Variants in TXNDC11 observed in about 807,000 individuals in gnomAD.
TXNDC11 encodes the protein thioredoxin domain-containing protein 11.
In TXNDC11, 68 loss-of-function variants were observed where a neutral mutation model predicts 78.0. That is an observed-to-expected ratio of 0.87 (90% CI 0.72 to 1.07). The LOEUF (loss-of-function observed/expected upper bound fraction) is 1.07, where lower values mean the gene tolerates loss of function less well. Among genes scored for constraint, TXNDC11 ranks in the 50% least tolerant of loss-of-function variants. TXNDC11 has a pLI of 0.00. For missense variants in TXNDC11, 1,389 were observed against 1,221.8 expected (o/e 1.14, Z -2.04); for synonymous variants, 571 against 495.2 (o/e 1.15, Z -2.03).
At chr16:11,714,212 G>A (rs906099642) in intron 5 of TXNDC11, among the ~76,000 whole-genome samples, 3 of 152,018 alleles carry the variant, frequency 2.0e-5, no homozygotes, top group Non-Finnish European at 2.9e-5. Context: ...TTGTAGAGAC[G>A]GGGTTTCGCC....
chr16:11,692,988 A>G (rs2050762187), intron 7 of TXNDC11, among the ~76,000 whole-genome samples: 1 of 152,172 alleles, frequency 6.6e-6, no homozygotes, highest in Admixed American at 6.5e-5. Context: ...CTCCAGGAAG[A>G]GCTAGTTTTT....
chr16:11,685,425 C>T (rs150404659), intron 10 of TXNDC11, among the ~76,000 whole-genome samples: 3,715 of 152,122 alleles, frequency 0.024, 77 homozygotes, highest in Non-Finnish European at 0.038. Flanking sequence ...GCAGGCAGAT[C>T]ACGAGGTCAG....
At position 11,721,604 on chromosome 16, in the gene TXNDC11, TGAA is replaced by T; in HGVS notation, c.763_765del (p.Phe255del). ...TTCTTTAATGAATGTAATGCTGAGG[TGAA>T]GAAGGTCAAATAACCAGGAGGCTGG... On this transcript the variant is annotated inframe_deletion, in exon 5 of 12. Coordinates refer to ENST00000283033, the MANE Select transcript of TXNDC11 (RefSeq NM_015914.7). 1 of 1,610,452 alleles carries T rather than the reference TGAA, an allele frequency of 6.2e-7. No homozygotes were observed. The highest frequency in any genetic ancestry group is 8.5e-7 in the Non-Finnish European group (1 of 1,177,284).
chr16:11,688,499 C>T lies in TXNDC11; in HGVS notation c.1901-54G>A. On this transcript the variant is annotated intron_variant, in intron 8 of 11. Transcript: ENST00000283033. Reference sequence around the variant, plus strand: ...TCTCCTCTAGATACAAAGAGAATAGCTGGCCTACTTTTAAACTCCACATTT... The same window carrying T: ...TCTCCTCTAGATACAAAGAGAATAGTTGGCCTACTTTTAAACTCCACATTT... 4.9e-6 allele frequency: 7 copies of T among 1,435,528 alleles called. No individual in the cohort carries two copies. In the South Asian group the frequency reaches 7.9e-5, roughly 16 times the overall value. The allele number at this position is 1,435,528 out of a possible 1,614,324, so 88.9% of individuals were successfully genotyped here.
chr16:11,716,059 T>C (rs1195041398), intron 5 of TXNDC11, among the ~76,000 whole-genome samples: 2 of 152,142 alleles, frequency 1.3e-5, no homozygotes, highest in African/African-American at 2.4e-5. Flanking sequence ...ACCTCTACCC[T>C]CCCCAAATTT....
At chr16:11,694,097 C>CTTTTTTTTTTTTTTTTTTTT (rs535913245) in intron 7 of TXNDC11, among the ~76,000 whole-genome samples, 1 of 85,690 alleles carries the variant, frequency 1.2e-5, no homozygotes, top group African/African-American at 4.9e-5. Flanking sequence ...TACAGCAATG[C>CTTTTTTTTTTTTTTTTTTTT]TTTTTTTTTT....
At chr16:11,727,010 G>A (rs577364043) in intron 4 of TXNDC11, among the ~76,000 whole-genome samples, 9 of 152,192 alleles carry the variant, frequency 5.9e-5, no homozygotes, top group South Asian at 4.1e-4. Flanking sequence ...ACGAGATTGC[G>A]CCACTGCACT....
chr16:11,736,060 G>A lies in TXNDC11; in HGVS notation c.428C>T (p.Ala143Val). ...TGCTGCTTGCTCAATTTCTGCCCTG[G>A]CAGCGATGGACTGTCCACACCAAGG... ...YAPWCGQSIA[A>V]RAEIEQAASR... Residue 143 changes from alanine (A) to valine (V), a missense_variant, in exon 2 of 12, where the codon GCC (alanine) becomes GTC (valine). Coordinates refer to ENST00000283033, the MANE Select transcript of TXNDC11 (RefSeq NM_015914.7). 6.2e-7 allele frequency: 1 copy of A among 1,614,112 alleles called. No homozygotes were observed. Among genetic ancestry groups the A allele is most frequent in the Non-Finnish European group, 8.5e-7 (1 of 1,180,030 alleles).
intron 6 of TXNDC11, among the ~76,000 whole-genome samples, chr16:11,699,548 C>G (rs1462137315): frequency 6.6e-6 from 1 of 152,188 alleles, no homozygotes; most frequent in Non-Finnish European, 1.5e-5. Context: ...TCGGAAAACA[C>G]AAAAATACAT....
intron 5 of TXNDC11, among the ~76,000 whole-genome samples, chr16:11,719,812 G>A (rs2051648659): frequency 6.6e-6 from 1 of 152,142 alleles, no homozygotes; most frequent in Non-Finnish European, 1.5e-5. Flanking sequence ...TGTGTTAAGT[G>A]CTACAAAAAA....
At chr16:11,699,116 T>C (rs936187703) in intron 6 of TXNDC11, among the ~76,000 whole-genome samples, 2 of 152,354 alleles carry the variant, frequency 1.3e-5, no homozygotes, top group East Asian at 3.9e-4. Flanking sequence ...AAGATTTAAA[T>C]TGACTCATAA....
In TXNDC11 at chr16:11,742,685, C is replaced by T; in HGVS notation, c.46G>A (p.Asp16Asn). 1 of 1,478,630 alleles carries T rather than the reference C, an allele frequency of 6.8e-7. No homozygotes were observed. Among genetic ancestry groups the T allele is most frequent in the Non-Finnish European group, 8.9e-7 (1 of 1,122,656 alleles). The allele number at this position is 1,478,630 out of a possible 1,614,324, so 91.6% of individuals were successfully genotyped here. A position where few individuals can be genotyped will look rare whatever the true frequency, so the allele number is the denominator to read the frequency against. The change falls in exon 1 of 12, where the codon GAC becomes AAC. Residue 16 changes from aspartate (D) to asparagine (N), a missense_variant. Asp to Asn is a conservative substitution (Grantham distance 23). Coordinates refer to ENST00000283033, the MANE Select transcript of TXNDC11 (RefSeq NM_015914.7). ...CCGCCCCCTCCCTCGTCCTCGGCGT[C>T]CTCGCTGCTGCTGCTGCCGCCGCCG... ...GRGGGSSSSE[D>N]AEDEGGGGGG...
At position 11,742,725 on chromosome 16, in the gene TXNDC11, C is replaced by T; in HGVS notation, c.6G>A (p.Ser2=). The T allele has an allele frequency of 1.3e-6, 2 of 1,483,102 alleles. No individual in the cohort carries two copies. The highest frequency in any genetic ancestry group is 8.9e-7 in the Non-Finnish European group (1 of 1,126,546). The allele number at this position is 1,483,102 out of a possible 1,614,324, so 91.9% of individuals were successfully genotyped here. A position where few individuals can be genotyped will look rare whatever the true frequency, so the allele number is the denominator to read the frequency against. The change falls in exon 1 of 12, where the codon TCG becomes TCA. Residue 2 remains serine (S), a synonymous_variant. Transcript: ENST00000283033. Reference sequence around the variant, plus strand: ...TGCCGCCGCCGCGGCCTCCGCATTCCGACATTACATGCTCCCAGTCGCCGG... The same window carrying T: ...TGCCGCCGCCGCGGCCTCCGCATTCTGACATTACATGCTCCCAGTCGCCGG... The part of the protein sequence containing the change: M[S]ECGGRGGGSS...
intron 11 of TXNDC11, among the ~76,000 whole-genome samples, chr16:11,680,442 T>C (rs1042747456): frequency 6.6e-6 from 1 of 152,224 alleles, no homozygotes; most frequent in African/African-American, 2.4e-5. Context: ...CAAAGGACTA[T>C]GAATTCAGGC....
chr16:11,740,232 G>T (rs189770638), intron 1 of TXNDC11, among the ~76,000 whole-genome samples: 7 of 152,078 alleles, frequency 4.6e-5, no homozygotes, highest in Admixed American at 3.3e-4. Context: ...GAAAAGCGGG[G>T]GTAGAAATGT....
At chr16:11,686,999 C>T (rs1421481511) in intron 10 of TXNDC11, among the ~76,000 whole-genome samples, 1 of 152,212 alleles carries the variant, frequency 6.6e-6, no homozygotes, top group African/African-American at 2.4e-5. Flanking sequence ...CAAAAACTCT[C>T]CCAACATAGT....
In TXNDC11 at chr16:11,691,572, T is replaced by C. The variant is rs1416232318; in HGVS notation, c.1618A>G (p.Lys540Glu). ...GAGCTTGGGGCATCAACCTCACATTTCTTCTCAAGGGAAGAAAATGCAACA... is the reference window on the plus strand; with the variant it reads ...GAGCTTGGGGCATCAACCTCACATTCCTTCTCAAGGGAAGAAAATGCAACA... ...PTVAFSSLEK[K>E]CEVDAPSSVP... is the part of the protein sequence containing the mutation. Residue 540 changes from lysine (K) to glutamate (E), a missense_variant, in exon 8 of 12, where the codon AAA becomes GAA. Lys to Glu is a moderately conservative substitution (Grantham distance 56). Transcript: ENST00000283033. 6.2e-7 allele frequency: 1 copy of C among 1,614,210 alleles called. No individual in the cohort carries two copies. The highest frequency in any genetic ancestry group is 8.5e-7 in the Non-Finnish European group (1 of 1,180,038).
chr16:11,695,700 G>A (rs1228196146), intron 7 of TXNDC11, among the ~76,000 whole-genome samples: 2 of 152,140 alleles, frequency 1.3e-5, no homozygotes, highest in Admixed American at 6.6e-5. Context: ...CGTTCGTAAT[G>A]ATAACGCACA....
chr16:11,684,032 T>G, intron 11 of TXNDC11, 133 bp downstream of exon 11: 1 of 604,778 alleles, frequency 1.7e-6, no homozygotes, highest in Non-Finnish European at 3.0e-6. Context: ...ATTACAGGCA[T>G]GAGCCACCAC....
Sources: gnomAD v4.1 joint callset for allele counts (sites outside exome capture counted in the v4.1 genomes callset) on GRCh38, gnomAD v4.1.1 for gene constraint, MANE v1.5 for transcripts, NCBI Gene and HGNC (gene_info 2026-07-23, HGNC 2026-07-21) for gene names.